Variants in EPB41L4A observed in about 807,000 individuals in gnomAD.
EPB41L4A encodes the protein erythrocyte membrane protein band 4.1 like 4A.
A neutral mutation model predicts 108.6 loss-of-function variants in EPB41L4A; 100 were observed. The observed-to-expected ratio is 0.92, with a 90% CI of 0.78 to 1.09. EPB41L4A has a LOEUF of 1.09. Among genes scored for constraint, EPB41L4A ranks in the 50% least tolerant of loss-of-function variants. The pLI, the probability that EPB41L4A is intolerant of heterozygous loss-of-function variation, is 0.00. For missense variants in EPB41L4A, 1,030 were observed against 842.7 expected, an observed-to-expected ratio of 1.22 and a Z score of -2.75; for synonymous variants, 319 against 289.0, an observed-to-expected ratio of 1.10 and a Z score of -1.05.
chr5:112,205,857 A>G lies in EPB41L4A; in HGVS notation c.1179-353T>C, dbSNP rs1320793322. The G allele has an allele frequency of 4.9e-5, 10 of 205,748 alleles. No homozygotes were observed. In the East Asian group the frequency reaches 9.5e-4, roughly 20 times the overall value. 12.7% of individuals were successfully genotyped at this position (205,748 alleles called of 1,614,324 possible). On this transcript the variant is annotated intron_variant, in intron 13 of 22. Coordinates refer to ENST00000261486, the MANE Select transcript of EPB41L4A (RefSeq NM_022140.5). ...CAAGGAGGAAGGACCTGGGCTACCCAGGATCTTCAGCCTGGCTCCCTTTTT... is the reference window on the plus strand; with the variant it reads ...CAAGGAGGAAGGACCTGGGCTACCCGGGATCTTCAGCCTGGCTCCCTTTTT...
chr5:112,215,344 T>A (rs1043177090), intron 12 of EPB41L4A, among the ~76,000 whole-genome samples: 1 of 152,232 alleles, frequency 6.6e-6, no homozygotes, highest in Non-Finnish European at 1.5e-5. Context: ...GTTATTGACA[T>A]ATGGCTATTA....
At chr5:112,274,220 C>A (rs907985332) in intron 4 of EPB41L4A, among the ~76,000 whole-genome samples, 1 of 152,108 alleles carries the variant, frequency 6.6e-6, no homozygotes, top group South Asian at 2.1e-4. Context: ...TTTGAGGTCA[C>A]AGTGAGCTAT....
intron 1 of EPB41L4A, among the ~76,000 whole-genome samples, chr5:112,339,542 A>ATAGATAT (rs371198329): frequency 1.1e-4 from 12 of 110,676 alleles, no homozygotes; most frequent in African/African-American, 3.5e-4. Flanking sequence ...ATATATATAT[A>ATAGATAT]TTTTTTTTTT....
At chr5:112,289,211 G>A (rs1753488658) in intron 2 of EPB41L4A, among the ~76,000 whole-genome samples, 1 of 152,144 alleles carries the variant, frequency 6.6e-6, no homozygotes, top group Non-Finnish European at 1.5e-5. Flanking sequence ...AGATAATAAA[G>A]AGTCTCGTAT....
chr5:112,153,556 A>G (rs1759546955), intron 12 of EPB41L4A, among the ~76,000 whole-genome samples: 1 of 149,048 alleles, frequency 6.7e-6, no homozygotes, highest in South Asian at 2.1e-4. Context: ...AAAGAAAAAG[A>G]AAAAATATAC....
chr5:112,242,639 G>T (rs117760550), intron 9 of EPB41L4A, among the ~76,000 whole-genome samples: 4 of 152,170 alleles, frequency 2.6e-5, no homozygotes, highest in Non-Finnish European at 4.4e-5. Flanking sequence ...ATATTTTCCA[G>T]AAGTTTTTCA....
At chr5:112,314,218 T>A (rs1412079515) in intron 1 of EPB41L4A, among the ~76,000 whole-genome samples, 1 of 151,938 alleles carries the variant, frequency 6.6e-6, no homozygotes, top group Non-Finnish European at 1.5e-5. Flanking sequence ...ACCAAACTAT[T>A]ACGGGCCATT....
intron 9 of EPB41L4A, among the ~76,000 whole-genome samples, chr5:112,256,667 A>C (rs1270294205): frequency 5.3e-5 from 8 of 152,248 alleles, no homozygotes; most frequent in Middle Eastern, 3.4e-3. Context: ...ATTAGCAAAA[A>C]AGGGAAAATT....
chr5:112,318,723 A>C (rs904933523), intron 1 of EPB41L4A, among the ~76,000 whole-genome samples: 1 of 152,328 alleles, frequency 6.6e-6, no homozygotes, highest in Admixed American at 6.5e-5. Context: ...GAGCTACACA[A>C]CCACAGATAA....
At chr5:112,283,943 C>G (rs562175241) in intron 2 of EPB41L4A, among the ~76,000 whole-genome samples, 1 of 152,140 alleles carries the variant, frequency 6.6e-6, no homozygotes, top group African/African-American at 2.4e-5. Flanking sequence ...TTCAAAAAAA[C>G]TTTCTCAAAA....
At chr5:112,260,811 C>A (rs917879336) in intron 7 of EPB41L4A, among the ~76,000 whole-genome samples, 1 of 152,154 alleles carries the variant, frequency 6.6e-6, no homozygotes, top group African/African-American at 2.4e-5. Flanking sequence ...TGGTAACCTG[C>A]AAAATTATAT....
At chr5:112,348,805 T>C (rs1027577996) in intron 1 of EPB41L4A, among the ~76,000 whole-genome samples, 2 of 152,228 alleles carry the variant, frequency 1.3e-5, no homozygotes, top group Non-Finnish European at 2.9e-5. Flanking sequence ...TATTTATTTA[T>C]TCCTTGTACA....
intron 19 of EPB41L4A, among the ~76,000 whole-genome samples, 188 bp downstream of exon 19, chr5:112,170,757 T>A (rs1760531426): frequency 6.6e-6 from 1 of 152,166 alleles, no homozygotes. Context: ...GGTGTCAGGG[T>A]TGCCTGTAGA....
intron 15 of EPB41L4A, among the ~76,000 whole-genome samples, chr5:112,196,163 C>T (rs1353392481): frequency 6.6e-6 from 1 of 152,176 alleles, no homozygotes; most frequent in East Asian, 1.9e-4. Context: ...AAACACTTTG[C>T]TCTCTTACCA....
intron 1 of EPB41L4A, among the ~76,000 whole-genome samples, chr5:112,389,748 A>G (rs1288677417): frequency 6.6e-6 from 1 of 152,178 alleles, no homozygotes; most frequent in Non-Finnish European, 1.5e-5. Context: ...CAGAATTGCA[A>G]ATAAAGCTAA....
chr5:112,162,379 G>T (rs1462721575), downstream of EPB41L4A: 1 of 152,190 alleles, frequency 6.6e-6, no homozygotes, highest in Non-Finnish European at 1.5e-5. Flanking sequence ...GGGAGGAGGG[G>T]TTCTTTTTTG....
chr5:112,241,162 A>G (rs1182316666), intron 9 of EPB41L4A, among the ~76,000 whole-genome samples: 2 of 151,902 alleles, frequency 1.3e-5, no homozygotes, highest in Non-Finnish European at 2.9e-5. Flanking sequence ...AACTCCCAGT[A>G]AAAAAAAGAT....
chr5:112,158,494 C>A, downstream of EPB41L4A: 1 of 334,398 alleles, frequency 3.0e-6, no homozygotes, highest in Non-Finnish European at 6.0e-6. Flanking sequence ...TATATGCTGG[C>A]TGCCCCAGTC....
chr5:112,406,838 A>G (rs1762101932), intron 1 of EPB41L4A, among the ~76,000 whole-genome samples: 1 of 152,162 alleles, frequency 6.6e-6, no homozygotes, highest in African/African-American at 2.4e-5. Flanking sequence ...CCCATGTGCT[A>G]AGTCTCTGTT....
Sources: allele counts gnomAD v4.1 joint callset (sites outside exome capture counted in the v4.1 genomes callset), GRCh38; gene constraint gnomAD v4.1.1; transcripts MANE v1.5; gene names NCBI Gene and HGNC (gene_info 2026-07-23, HGNC 2026-07-21).